Variants in PLXND1 observed in about 807,000 individuals in gnomAD.
The protein encoded by PLXND1 is plexin-D1.
PLXND1 carries 54 observed loss-of-function variants against 197.7 expected under a neutral mutation model. The ratio of observed to expected loss-of-function variants is 0.27; its 90% confidence interval spans 0.22 to 0.34. The LOEUF is 0.34. Ranked by LOEUF, PLXND1 falls within the 10% of genes least tolerant of loss-of-function variation. PLXND1 has a pLI of 1.00. For missense variants in PLXND1, 2,127 were observed against 2,699.2 expected (o/e 0.79, Z 4.70); for synonymous variants, 1,180 against 1,161.2 (o/e 1.02, Z -0.33).
chr3:129,574,029 T>C (rs948164480), intron 12 of PLXND1, among the ~76,000 whole-genome samples: 1 of 152,182 alleles, frequency 6.6e-6, no homozygotes, highest in Non-Finnish European at 1.5e-5. Flanking sequence ...TGTTTGGCCA[T>C]GTCATTGGTG....
At position 129,570,914 on chromosome 3, in the gene PLXND1, G is replaced by T; in HGVS notation, c.3622C>A (p.Leu1208Ile). 1 of 1,614,220 alleles carries T rather than the reference G, an allele frequency of 6.2e-7. No individual in the cohort carries two copies. Residue 1208 changes from leucine (L) to isoleucine (I), a missense_variant, in exon 19 of 36, where the codon CTC (leucine) becomes ATC (isoleucine). This residue lies in a region of PLXND1 where 532 missense variants were observed against 811.0 expected (regional missense o/e 0.66). Transcript: ENST00000324093. ...TTGACCCGGTACTCGTGACTCTGGA[G>T]CCCCAGGCTGTCCTGCTCCTTCTGT... is the stretch of plus-strand genomic sequence containing the variant. ...VIHKEQDSLG[L>I]QSHEYRVKIG...
At chr3:129,589,655 G>GCTGAGCAC in intron 1 of PLXND1, 128 bp from the exon 2 acceptor site, 1 of 796,622 alleles carries the variant, frequency 1.3e-6, no homozygotes, top group Non-Finnish European at 1.9e-6. Flanking sequence ...TATATCCTCA[G>GCTGAGCAC]TGCTCAGCTG....
chr3:129,566,673 C>A, intron 22 of PLXND1, 42 bp from the exon 23 acceptor site: 1 of 1,246,650 alleles, frequency 8.0e-7, no homozygotes, highest in African/African-American at 1.5e-5. Context: ...GGCTGGACAC[C>A]CCCTGCTGGC....
In PLXND1 at chr3:129,556,777, C is replaced by A. The variant is rs973432331; in HGVS notation, c.5587-86G>T. The A allele has an allele frequency of 8.6e-6, 8 of 928,050 alleles. No homozygotes were observed. In the African/African-American group the frequency reaches 1.3e-4, roughly 15 times the overall value. The allele number at this position is 928,050 out of a possible 1,614,324, so 57.5% of individuals were successfully genotyped here. A position where few individuals can be genotyped will look rare whatever the true frequency, so the allele number is the denominator to read the frequency against. ...GCAAAGCCAGCTGCTTGCACACAAT[C>A]CCCAACTCCCCACGGCCCCCACAGA... On this transcript the variant is annotated intron_variant, in intron 34 of 35. Transcript: ENST00000324093.
chr3:129,604,281 C>T (rs1476029151), intron 1 of PLXND1, among the ~76,000 whole-genome samples: 1 of 152,170 alleles, frequency 6.6e-6, no homozygotes, highest in Non-Finnish European at 1.5e-5. Context: ...ATCTGCCCAC[C>T]CCAGCTGCCT....
Position 129,571,212 on chromosome 3 carries a change from C to A in PLXND1, c.3428G>T (p.Gly1143Val). The A allele has an allele frequency of 6.2e-7, 1 of 1,614,188 alleles. No homozygotes were observed. Among genetic ancestry groups the A allele is most frequent in the Non-Finnish European group, 8.5e-7 (1 of 1,180,020 alleles). ...AGCCACCTCGTCTGCGTAGGCCCGCCCATTGATGAAGAAGTCCACTGGCGC... is the reference window on the plus strand; with the variant it reads ...AGCCACCTCGTCTGCGTAGGCCCGCACATTGATGAAGAAGTCCACTGGCGC... ...ASAPVDFFIN[G>V]RAYADEVAVA... The change falls in exon 18 of 36, where the codon GGG becomes GTG. Residue 1143 changes from glycine (G) to valine (V), a missense_variant. Physicochemically the swap from Gly to Val is moderately radical, Grantham distance 109 (BLOSUM62 -3). Coordinates refer to ENST00000324093, the MANE Select transcript of PLXND1 (RefSeq NM_015103.3).
rs1308556113 is a variant in PLXND1 at position 129,606,652 on chromosome 3, G to C, written c.-13C>G. On this transcript the variant is annotated 5_prime_UTR_variant, in exon 1 of 36. Coordinates refer to ENST00000324093, the MANE Select transcript of PLXND1 (RefSeq NM_015103.3). ...CGCGAGGAGCCATCCGGGCGTGCGC[G>C]GGCTGCGCGGCGCGGCGAGTGCATG... is the stretch of plus-strand genomic sequence containing the variant. 61 of 977,954 alleles carry C rather than the reference G, an allele frequency of 6.2e-5. No homozygotes were observed. The highest frequency in any genetic ancestry group is 7.2e-5 in the Non-Finnish European group (59 of 821,012). 60.6% of individuals were successfully genotyped at this position (977,954 alleles called of 1,614,324 possible).
chr3:129,561,955 G>T lies in PLXND1; in HGVS notation c.4826-52C>A, dbSNP rs772595467. On this transcript the variant is annotated intron_variant, in intron 27 of 35. Transcript: ENST00000324093. ...GGTCCGGGCAGGGAGCTGGGCCTGA[G>T]GGGTAGGTACCGGCCCAGCCACATA... 3.1e-6 allele frequency: 4 copies of T among 1,302,382 alleles called. No homozygotes were observed. The Admixed American group carries it at 6.7e-5, about 22-fold the overall frequency. The allele number at this position is 1,302,382 out of a possible 1,614,324, so 80.7% of individuals were successfully genotyped here.
In PLXND1 at chr3:129,605,413, C is replaced by T. The variant is rs1432745236; in HGVS notation, c.1227G>A (p.Val409=). 5 of 1,500,974 alleles carry T rather than the reference C, an allele frequency of 3.3e-6. No homozygotes were observed. The African/African-American group carries it at 5.8e-5, about 18-fold the overall frequency. The allele number at this position is 1,500,974 out of a possible 1,614,324, so 93.0% of individuals were successfully genotyped here. The change falls in exon 1 of 36, where the codon GTG becomes GTA. Residue 409 remains valine (V), a synonymous_variant. Transcript: ENST00000324093. ...AIRAARTACF[V]EPAPDVVAVL... ...CCGCCACCACGTCGGGCGCCGGTTC[C>T]ACGAAGCAGGCGGTGCGCGCAGCTC...
intron 15 of PLXND1, 100 bp from the exon 16 acceptor site, chr3:129,571,944 G>A (rs2085240451): frequency 1.8e-6 from 2 of 1,137,896 alleles, no homozygotes; most frequent in South Asian, 1.4e-5. Flanking sequence ...ACTTGGCCTG[G>A]GGTTCAAGGC....
In PLXND1 at chr3:129,589,280, T is replaced by A. The variant is rs1055828282; in HGVS notation, c.1488+71A>T. On this transcript the variant is annotated intron_variant, in intron 2 of 35. Transcript: ENST00000324093. ...ACCTGTAGCAGCCCTGTGTACAGAC[T>A]GACCCCCTCAGCCAACTCCCAGGGG... 38 of 898,180 alleles carry A rather than the reference T, an allele frequency of 4.2e-5. 1 individual carries two copies. The highest frequency in any genetic ancestry group is 6.7e-5 in the Non-Finnish European group (38 of 568,802). The allele number at this position is 898,180 out of a possible 1,614,324, so 55.6% of individuals were successfully genotyped here. A position where few individuals can be genotyped will look rare whatever the true frequency, so the allele number is the denominator to read the frequency against.
chr3:129,576,274 C>T (rs1004934830), intron 9 of PLXND1, among the ~76,000 whole-genome samples: 1 of 152,252 alleles, frequency 6.6e-6, no homozygotes, highest in African/African-American at 2.4e-5. Flanking sequence ...CCTGCCCCGG[C>T]CTTTGCCTGA....
Position 129,605,374 on chromosome 3 carries a change from C to G in PLXND1, c.1266G>C (p.Val422=). 1 of 1,499,048 alleles carries G rather than the reference C, an allele frequency of 6.7e-7. No individual in the cohort carries two copies. The highest frequency in any genetic ancestry group is 8.8e-7 in the Non-Finnish European group (1 of 1,132,510). 92.9% of individuals were successfully genotyped at this position (1,499,048 alleles called of 1,614,324 possible). A position where few individuals can be genotyped will look rare whatever the true frequency, so the allele number is the denominator to read the frequency against. ...CACAGGCCGGTCCCGTGCCCTGCAC[C>G]ACGCTGTCGAGCACCGCCACCACGT... ...APDVVAVLDS[V]VQGTGPACER... The change falls in exon 1 of 36, where the codon GTG becomes GTC. Residue 422 remains valine, a synonymous_variant. Coordinates refer to ENST00000324093, the MANE Select transcript of PLXND1 (RefSeq NM_015103.3).
chr3:129,555,529 T>C lies in PLXND1; in HGVS notation c.*783A>G, dbSNP rs1480715096. Reference sequence around the variant, plus strand: ...TTCACAGTTGGTGCATGATACGTTTTTTAATATATAAAAGCTTTAAAAAAA... The same window carrying C: ...TTCACAGTTGGTGCATGATACGTTTCTTAATATATAAAAGCTTTAAAAAAA... On this transcript the variant is annotated 3_prime_UTR_variant, in exon 36 of 36. Coordinates refer to ENST00000324093, the MANE Select transcript of PLXND1 (RefSeq NM_015103.3). 4.5e-6 allele frequency: 3 copies of C among 668,704 alleles called. No individual in the cohort carries two copies. Among genetic ancestry groups the C allele is most frequent in the African/African-American group, 3.7e-5 (2 of 54,378 alleles). 41.4% of individuals were successfully genotyped at this position (668,704 alleles called of 1,614,324 possible).
chr3:129,599,452 G>A (rs978937324), intron 1 of PLXND1, among the ~76,000 whole-genome samples: 2 of 152,212 alleles, frequency 1.3e-5, no homozygotes, highest in African/African-American at 2.4e-5. Flanking sequence ...AGCGATGTGC[G>A]CCTGCCTGGC....
In PLXND1 at chr3:129,584,118, C is replaced by T. The variant is rs1313573947; in HGVS notation, c.2138+7G>A. ...CCAACTGGAGGCAAGCCACCCAAGCCACTCACGCTGTGTGGGGGTACACTT... is the reference window on the plus strand; with the variant it reads ...CCAACTGGAGGCAAGCCACCCAAGCTACTCACGCTGTGTGGGGGTACACTT... On this transcript the variant is annotated splice_region_variant and intron_variant, in intron 7 of 35. Transcript: ENST00000324093. The T allele has an allele frequency of 6.5e-7, 1 of 1,544,446 alleles. No homozygotes were observed. The highest frequency in any genetic ancestry group is 8.8e-7 in the Non-Finnish European group (1 of 1,138,506).
chr3:129,565,739 T>A, intron 24 of PLXND1, 148 bp downstream of exon 24: 1 of 938,288 alleles, frequency 1.1e-6, no homozygotes, highest in Non-Finnish European at 1.6e-6. Flanking sequence ...TCGTGCCCCG[T>A]GAGCCAAGGT....
Position 129,606,211 on chromosome 3 carries a change from G to A in PLXND1, c.429C>T (p.Ile143=). ...GCCGCAGCTGGCAGAAGCCCTGGTA[G>A]ATGGACCCGCACACGACTACCAGGC... ...GQGLVVVCGS[I]YQGFCQLRRR... is the part of the protein sequence containing the mutation. The change falls in exon 1 of 36, where the codon ATC becomes ATT. Residue 143 remains isoleucine, a synonymous_variant. Transcript: ENST00000324093. 6.3e-7 allele frequency: 1 copy of A among 1,578,798 alleles called. No individual in the cohort carries two copies. The highest frequency in any genetic ancestry group is 8.6e-7 in the Non-Finnish European group (1 of 1,167,254).
At chr3:129,560,236 G>T in intron 31 of PLXND1, 94 bp downstream of exon 31, 1 of 772,534 alleles carries the variant, frequency 1.3e-6, no homozygotes, top group South Asian at 1.6e-5. Flanking sequence ...TCTCCCAGCC[G>T]CGGGTGCACA....
Sources: gnomAD v4.1 joint callset for allele counts (sites outside exome capture counted in the v4.1 genomes callset) on GRCh38, gnomAD v4.1.1 for gene constraint, gnomAD v4.1.1 regional missense constraint, MANE v1.5 for transcripts, NCBI Gene and HGNC (gene_info 2026-07-23, HGNC 2026-07-21) for gene names.